PRR12: variants seen among roughly 807,000 people sequenced by gnomAD.
PRR12 encodes proline-rich protein 12.
In PRR12, 12 loss-of-function variants were observed where a neutral mutation model predicts 138.0. The observed-to-expected ratio is 0.09, with a 90% CI of 0.06 to 0.14. PRR12 has a LOEUF of 0.14. Ranked by LOEUF, PRR12 falls within the 10% of genes least tolerant of loss-of-function variation. PRR12 has a pLI of 1.00. For missense variants in PRR12, 2,692 were observed against 2,861.3 expected (o/e 0.94, Z 1.35); for synonymous variants, 1,567 against 1,291.7 (o/e 1.21, Z -4.57).
Position 49,594,675 on chromosome 19 carries a change from G to C in PRR12, c.362-22G>C, listed in dbSNP as rs16981329. ...GGACTGGCTCGCTGTTCTCTCTGAC[G>C]CGCGGTCTTCCTCATCTCCAGCCAT... On this transcript the variant is annotated intron_variant, in intron 3 of 13. Transcript: ENST00000418929. The surrounding 1 kb of genome is among the most constrained non-coding windows in gnomAD (Gnocchi z 5.6). 0.26 allele frequency: 424,374 copies of C among 1,609,804 alleles called. 63,241 individuals are homozygous for C. The highest frequency in any genetic ancestry group is 0.6 in the African/African-American group (44,701 of 74,792).
In PRR12 at chr19:49,625,363, G is replaced by A; in HGVS notation, c.5965-98G>A. On this transcript the variant is annotated intron_variant, in intron 13 of 13. Coordinates refer to ENST00000418929, the MANE Select transcript of PRR12 (RefSeq NM_020719.3). This position sits in a 1 kb window ranked among gnomAD's most constrained non-coding sequence, Gnocchi z 5.5. ...CAGCCCCCAGCCCTGGTCTCCCTGGGACACTGACATCTGACACCCCAGGCC... is the reference window on the plus strand; with the variant it reads ...CAGCCCCCAGCCCTGGTCTCCCTGGAACACTGACATCTGACACCCCAGGCC... 1 of 1,449,650 alleles carries A rather than the reference G, an allele frequency of 6.9e-7. No homozygotes were observed. Among genetic ancestry groups the A allele is most frequent in the Non-Finnish European group, 9.3e-7 (1 of 1,073,838 alleles). 89.8% of individuals were successfully genotyped at this position (1,449,650 alleles called of 1,614,324 possible).
chr19:49,625,713 G>T lies in PRR12; in HGVS notation c.*106G>T, dbSNP rs1319752226. 7.0e-7 allele frequency: 1 copy of T among 1,419,750 alleles called. No homozygotes were observed. The highest frequency in any genetic ancestry group is 1.4e-5 in the African/African-American group (1 of 70,230). 87.9% of individuals were successfully genotyped at this position (1,419,750 alleles called of 1,614,324 possible). ...TGGGCTCCATCGCCGGGGAAAGGGG[G>T]TCATGGGTCAGGGTGTGTCTGTGCT... On this transcript the variant is annotated 3_prime_UTR_variant, in exon 14 of 14. Coordinates refer to ENST00000418929, the MANE Select transcript of PRR12 (RefSeq NM_020719.3). The surrounding 1 kb of genome is among the most constrained non-coding windows in gnomAD (Gnocchi z 5.5).
chr19:49,622,912 T>A (rs1284147391), intron 11 of PRR12, among the ~76,000 whole-genome samples: 1 of 72,428 alleles, frequency 1.4e-5, no homozygotes, highest in African/African-American at 9.2e-5. Context: ...CAAAAACATA[T>A]ATATATATAT....
chr19:49,598,570 A>G (rs1336730907), intron 4 of PRR12, among the ~76,000 whole-genome samples: 1 of 152,160 alleles, frequency 6.6e-6, no homozygotes, highest in Non-Finnish European at 1.5e-5. Flanking sequence ...CTGTAATCCC[A>G]GCGCTTTGGG....
Position 49,594,331 on chromosome 19 carries a change from TGCCC to T in PRR12, c.200-122_200-119del. ...GTTCTATCCATCTTGTTTTTGAATT[TGCCC>T]TTTTCTCTCCCATCCCCTCCTTTTC... On this transcript the variant is annotated intron_variant, in intron 2 of 13. Coordinates refer to ENST00000418929, the MANE Select transcript of PRR12 (RefSeq NM_020719.3). The surrounding 1 kb of genome is among the most constrained non-coding windows in gnomAD (Gnocchi z 5.6). 1 of 867,554 alleles carries T rather than the reference TGCCC, an allele frequency of 1.2e-6. No homozygotes were observed. 53.7% of individuals were successfully genotyped at this position (867,554 alleles called of 1,614,324 possible). A position where few individuals can be genotyped will look rare whatever the true frequency, so the allele number is the denominator to read the frequency against.
At chr19:49,620,750 CCTGGGTCT>C (rs2080918044) in intron 10 of PRR12, among the ~76,000 whole-genome samples, 1 of 136,370 alleles carries the variant, frequency 7.3e-6, no homozygotes, top group Admixed American at 7.2e-5. Flanking sequence ...GGCCTGGACT[CCTGGGTCT>C]GAGGGAGGAA....
intron 4 of PRR12, among the ~76,000 whole-genome samples, 162 bp downstream of exon 4, chr19:49,598,175 G>A (rs1174273128): frequency 6.6e-6 from 1 of 151,548 alleles, no homozygotes; most frequent in Admixed American, 6.6e-5. Flanking sequence ...CCGGGTTCAC[G>A]CCATTCTCCT....
chr19:49,610,606 G>A lies in PRR12; in HGVS notation c.4774-3927G>A, dbSNP rs117469015. ...TGCCCAAGCTGGAGTGCTGTGGCGCGATCTCAGCTCACTACAAGCTCCGCC... is the reference window on the plus strand; with the variant it reads ...TGCCCAAGCTGGAGTGCTGTGGCGCAATCTCAGCTCACTACAAGCTCCGCC... On this transcript the variant is annotated intron_variant, in intron 6 of 13. Transcript: ENST00000418929. Among the ~76,000 whole-genome samples the A allele has an allele frequency of 4.9e-3, 723 of 147,196 alleles. 4 individuals carry two copies. The highest frequency in any genetic ancestry group is 8.7e-3 in the Non-Finnish European group (586 of 67,360).
Position 49,595,641 on chromosome 19 carries a change from G to A in PRR12, c.1306G>A (p.Gly436Arg), listed in dbSNP as rs1249367525. ...TGCCACTGGGAAGGCCTCTGGGGCT[G>A]GAGGGGCAGGGGGCCAGGCTTATTC... ...AYATGKASGA[G>R]GAGGQAYSPG... The change falls in exon 4 of 14, where the codon GGA becomes AGA. Residue 436 changes from glycine (G) to arginine (R), a missense_variant. Physicochemically the swap from Gly to Arg is moderately radical, Grantham distance 125. This residue lies in a region of PRR12 where 523 missense variants were observed against 496.4 expected (regional missense o/e 1.05). Transcript: ENST00000418929. 2 of 1,605,346 alleles carry A rather than the reference G, an allele frequency of 1.2e-6. No homozygotes were observed. The highest frequency in any genetic ancestry group is 1.7e-6 in the Non-Finnish European group (2 of 1,176,684).
intron 11 of PRR12, 137 bp from the exon 12 acceptor site, chr19:49,624,707 G>A: frequency 7.7e-7 from 1 of 1,299,294 alleles, no homozygotes; most frequent in Non-Finnish European, 1.0e-6. Context: ...AGCCTCCTCT[G>A]TCCTTTGAGG....
At chr19:49,612,415 G>C (rs1412031494) in intron 6 of PRR12, among the ~76,000 whole-genome samples, 1 of 151,990 alleles carries the variant, frequency 6.6e-6, no homozygotes, top group Non-Finnish European at 1.5e-5. Context: ...GGATTGACTG[G>C]CCCTGTTTGG....
intron 6 of PRR12, among the ~76,000 whole-genome samples, chr19:49,613,267 G>A (rs1235013026): frequency 2.0e-5 from 3 of 149,018 alleles, no homozygotes; most frequent in Non-Finnish European, 3.0e-5. Context: ...CCCAGGAGGC[G>A]CAGGTTGCAG....
In PRR12 at chr19:49,597,474, C is replaced by T. The variant is rs1381613136; in HGVS notation, c.3139C>T (p.Pro1047Ser). The T allele has an allele frequency of 5.8e-6, 9 of 1,544,980 alleles. No individual in the cohort carries two copies. Among genetic ancestry groups the T allele is most frequent in the Non-Finnish European group, 7.8e-6 (9 of 1,146,828 alleles). The change falls in exon 4 of 14, where the codon CCG (proline) becomes TCG (serine). Residue 1047 changes from proline (P) to serine (S), a missense_variant. Physicochemically the swap from Pro to Ser is moderately conservative, Grantham distance 74 (BLOSUM62 -1). This residue lies in a region of PRR12 where 840 missense variants were observed against 689.8 expected (regional missense o/e 1.22). Coordinates refer to ENST00000418929, the MANE Select transcript of PRR12 (RefSeq NM_020719.3). The surrounding 1 kb of genome is among the most constrained non-coding windows in gnomAD (Gnocchi z 6.3). ...GCCACCACCCCCGCCTCCGCCACCG[C>T]CGCCTCCCGCGCCGGCCTCCGAACC... ...AAPPPPPPPP[P>S]PPAPASEPKG... is the part of the protein sequence containing the mutation.
chr19:49,624,395 T>C (rs184905395), intron 11 of PRR12, among the ~76,000 whole-genome samples: 136 of 148,338 alleles, frequency 9.2e-4, no homozygotes, highest in South Asian at 2.3e-3. Flanking sequence ...AATTCTGGGA[T>C]AGATAGTTAG....
In PRR12 at chr19:49,615,894, T is replaced by A. The variant is rs768432276; in HGVS notation, c.5172T>A (p.Pro1724=). The A allele has an allele frequency of 4.4e-5, 69 of 1,572,262 alleles. No individual in the cohort carries two copies. The highest frequency in any genetic ancestry group is 5.8e-5 in the Non-Finnish European group (67 of 1,159,154). Residue 1724 remains proline, a synonymous_variant, in exon 9 of 14, where the codon CCT becomes CCA. Coordinates refer to ENST00000418929, the MANE Select transcript of PRR12 (RefSeq NM_020719.3). ...AGCAGACTCCTGAGACGGCCATGCC[T>A]GAGCCCCCTGCCCCCGAGAAGCCCT... is the stretch of plus-strand genomic sequence containing the variant. The part of the protein sequence containing the change: ...PPEQTPETAM[P]EPPAPEKPSL...
Position 49,593,405 on chromosome 19 carries a change from A to T in PRR12, c.165A>T (p.Pro55=). The T allele has an allele frequency of 9.2e-6, 14 of 1,519,312 alleles. No homozygotes were observed. The highest frequency in any genetic ancestry group is 1.2e-5 in the Non-Finnish European group (14 of 1,133,912). 94.1% of individuals were successfully genotyped at this position (1,519,312 alleles called of 1,614,324 possible). Reference sequence around the variant, plus strand: ...GCCAGGCCTATGCGGCCCCCCACCCACTGCAAAGCTATGCCACCAACCACC... The same window carrying T: ...GCCAGGCCTATGCGGCCCCCCACCCTCTGCAAAGCTATGCCACCAACCACC... ...LHRQAYAAPH[P]LQSYATNHHP... The change falls in exon 2 of 14, where the codon CCA becomes CCT. Residue 55 remains proline, a synonymous_variant. Transcript: ENST00000418929.
rs1230807355 is a variant in PRR12, at chr19:49,625,403, C to T, written c.5965-58C>T. On this transcript the variant is annotated intron_variant, in intron 13 of 13. Transcript: ENST00000418929. The surrounding 1 kb of genome is among the most constrained non-coding windows in gnomAD (Gnocchi z 5.5). ...CACCCCAGGCCCCATGCCCCAGCCC[C>T]TTCCCTCCCCAGAGGCCGGTGTGCC... is the stretch of plus-strand genomic sequence containing the variant. 7 of 1,517,634 alleles carry T rather than the reference C, an allele frequency of 4.6e-6. No individual in the cohort carries two copies. The highest frequency in any genetic ancestry group is 6.2e-6 in the Non-Finnish European group (7 of 1,133,532). 94.0% of individuals were successfully genotyped at this position (1,517,634 alleles called of 1,614,324 possible).
chr19:49,595,407 G>C lies in PRR12; in HGVS notation c.1072G>C (p.Ala358Pro), dbSNP rs1352714497. 2 of 1,544,138 alleles carry C rather than the reference G, an allele frequency of 1.3e-6. No individual in the cohort carries two copies. Among genetic ancestry groups the C allele is most frequent in the Non-Finnish European group, 1.7e-6 (2 of 1,144,716 alleles). ...KAGPSGATAG[A>P]SGRATGPEAA... ...TGGTCCCAGCGGAGCCACGGCTGGG[G>C]CATCTGGCCGGGCCACGGGCCCTGA... The change falls in exon 4 of 14, where the codon GCA becomes CCA. Residue 358 changes from alanine to proline, a missense_variant. Around this residue, in one of 11 missense-constraint regions of PRR12, gnomAD observed 523 missense variants for 496.4 expected, o/e 1.05. Transcript: ENST00000418929.
chr19:49,624,975 C>A lies in PRR12; in HGVS notation c.5853C>A (p.Ser1951Arg). Residue 1951 changes from serine (S) to arginine (R), a missense_variant, in exon 12 of 14, where the codon AGC becomes AGA. Physicochemically the swap from Ser to Arg is moderately radical, Grantham distance 110. Coordinates refer to ENST00000418929, the MANE Select transcript of PRR12 (RefSeq NM_020719.3). ...AGACGCTCAGCAAGCTCAAGAGGAGCGTGGTCAGAGCCCAGGTGGGCACTG... is the reference window on the plus strand; with the variant it reads ...AGACGCTCAGCAAGCTCAAGAGGAGAGTGGTCAGAGCCCAGGTGGGCACTG... ...NRKTLSKLKRSVVRAQEFKVE... is the reference protein window; with the variant it reads ...NRKTLSKLKRRVVRAQEFKVE... 1.9e-6 allele frequency: 3 copies of A among 1,597,560 alleles called. No individual in the cohort carries two copies. Among genetic ancestry groups the A allele is most frequent in the Admixed American group, 1.7e-5 (1 of 58,978 alleles).
Sources: gnomAD v4.1 joint callset for allele counts (sites outside exome capture counted in the v4.1 genomes callset) on GRCh38, gnomAD v4.1.1 for gene constraint, gnomAD v4.1.1 regional missense constraint, Gnocchi (gnomAD v3.1) non-coding constraint, MANE v1.5 for transcripts, NCBI Gene and HGNC (gene_info 2026-07-23, HGNC 2026-07-21) for gene names.